The following CADPS2 variants were observed in gnomAD, a reference collection of about 807,000 sequenced individuals.
CADPS2 encodes calcium dependent secretion activator 2, also known as calcium-dependent secretion activator 2.
Under a neutral mutation model 172.5 loss-of-function variants are expected in CADPS2, and 93 were observed. The ratio of observed to expected loss-of-function variants is 0.54; its 90% CI spans 0.46 to 0.64. The LOEUF (loss-of-function observed/expected upper bound fraction) is 0.64. Among genes scored for constraint, CADPS2 ranks in the 30% least tolerant of loss-of-function variants. The probability of loss-of-function intolerance (pLI) is 0.00; values close to 1 mark genes in which losing one functional copy is unlikely to be tolerated. For synonymous variants in CADPS2, 546 were observed against 555.2 expected (o/e 0.98, Z 0.23); for missense variants, 1,420 against 1,565.9 (o/e 0.91, Z 1.57).
intron 28 of CADPS2, among the ~76,000 whole-genome samples, chr7:122,344,798 A>T (rs552620395): frequency 6.6e-6 from 1 of 152,306 alleles, no homozygotes; most frequent in Admixed American, 6.5e-5. Context: ...TTTTATAACT[A>T]ACCTCAGGTT....
At chr7:122,539,748 T>TCTCTCTCTCC (rs1563639521) in intron 8 of CADPS2, among the ~76,000 whole-genome samples, 1 of 115,782 alleles carries the variant, frequency 8.6e-6, no homozygotes, top group African/African-American at 3.6e-5. Flanking sequence ...TCCCTCTCTC[T>TCTCTCTCTCC]CTGTCTCTCT....
At chr7:122,740,477 C>T (rs770644987) in intron 1 of CADPS2, among the ~76,000 whole-genome samples, 2 of 152,036 alleles carry the variant, frequency 1.3e-5, no homozygotes, top group East Asian at 1.9e-4. Context: ...ACGACTCCAA[C>T]GATATGACAT....
chr7:122,732,797 T>TTA (rs1219349890), intron 2 of CADPS2, among the ~76,000 whole-genome samples: 1 of 142,762 alleles, frequency 7.0e-6, no homozygotes, highest in African/African-American at 2.6e-5. Flanking sequence ...TATATATACA[T>TTA]TATATATTAT....
At chr7:122,685,901 T>C (rs2083559578) in intron 2 of CADPS2, among the ~76,000 whole-genome samples, 1 of 152,156 alleles carries the variant, frequency 6.6e-6, no homozygotes, top group East Asian at 1.9e-4. Flanking sequence ...GCCACAAACC[T>C]TTGGAGGGCC....
chr7:122,787,505 T>C (rs1237598013), intron 1 of CADPS2, among the ~76,000 whole-genome samples: 1 of 152,196 alleles, frequency 6.6e-6, no homozygotes, highest in Non-Finnish European at 1.5e-5. Context: ...AAAGGGAAGT[T>C]AGGAATGGTC....
chr7:122,466,441 G>T lies in CADPS2; in HGVS notation c.2186+4934C>A, dbSNP rs142893720. ...CACAGTGTTTTCCAGCAACATGGGGGTGGTAGGCGGGGAGGTCCCAGAACT... is the reference window on the plus strand; with the variant it reads ...CACAGTGTTTTCCAGCAACATGGGGTTGGTAGGCGGGGAGGTCCCAGAACT... On this transcript the variant is annotated intron_variant, in intron 14 of 29. Transcript: ENST00000449022. Among the ~76,000 whole-genome samples the T allele has an allele frequency of 7.6e-3, 1,155 of 152,282 alleles. 11 individuals carry two copies. Among genetic ancestry groups the T allele is most frequent in the African/African-American group, 0.026 (1,081 of 41,552 alleles).
intron 1 of CADPS2, among the ~76,000 whole-genome samples, chr7:122,859,255 T>A (rs1816245065): frequency 6.6e-6 from 1 of 152,244 alleles, no homozygotes; most frequent in Non-Finnish European, 1.5e-5. Context: ...GTTTTATAGA[T>A]GATTGACTGA....
chr7:122,475,937 G>A (rs542404573), intron 12 of CADPS2, among the ~76,000 whole-genome samples: 1 of 152,214 alleles, frequency 6.6e-6, no homozygotes, highest in African/African-American at 2.4e-5. Flanking sequence ...TTAACTGGAT[G>A]AACACAAAAC....
At chr7:122,643,856 C>T (rs925730856) in intron 3 of CADPS2, among the ~76,000 whole-genome samples, 5 of 151,922 alleles carry the variant, frequency 3.3e-5, no homozygotes, top group Non-Finnish European at 7.4e-5. Flanking sequence ...TTTAGGAGGC[C>T]GAGGTGGGTA....
At chr7:122,406,457 T>C (rs1202009218) in intron 20 of CADPS2, among the ~76,000 whole-genome samples, 1 of 152,158 alleles carries the variant, frequency 6.6e-6, no homozygotes, top group African/African-American at 2.4e-5. Context: ...CAGAGCAGAC[T>C]TGGGCTGCAG....
chr7:122,721,191 T>A (rs1293144220), intron 2 of CADPS2, among the ~76,000 whole-genome samples: 1 of 151,838 alleles, frequency 6.6e-6, no homozygotes, highest in African/African-American at 2.4e-5. Context: ...AATTCCTGCT[T>A]ATAAATCTGT....
At chr7:122,472,148 A>C (rs1200079039) in intron 13 of CADPS2, among the ~76,000 whole-genome samples, 6 of 152,182 alleles carry the variant, frequency 3.9e-5, no homozygotes, top group Admixed American at 3.9e-4. Context: ...CATGCATGCC[A>C]CCTGAACACA....
chr7:122,463,550 T>C (rs1488552701), intron 14 of CADPS2, among the ~76,000 whole-genome samples: 2 of 152,296 alleles, frequency 1.3e-5, no homozygotes, highest in South Asian at 2.1e-4. Context: ...GACATTTCTA[T>C]ATGTAGTAAA....
chr7:122,487,595 A>C (rs1290160262), intron 11 of CADPS2, among the ~76,000 whole-genome samples: 1 of 152,254 alleles, frequency 6.6e-6, no homozygotes, highest in Non-Finnish European at 1.5e-5. Context: ...AAAAAATATA[A>C]GATGCAATAG....
chr7:122,762,037 C>T (rs1174539841), intron 1 of CADPS2, among the ~76,000 whole-genome samples: 542 of 138,590 alleles, frequency 3.9e-3, no homozygotes, highest in Admixed American at 5.7e-3. Flanking sequence ...TATACACACA[C>T]ACACACACAC....
intron 5 of CADPS2, among the ~76,000 whole-genome samples, chr7:122,620,129 G>T (rs1270835044): frequency 6.6e-6 from 1 of 152,086 alleles, no homozygotes; most frequent in East Asian, 1.9e-4. Flanking sequence ...ATTGAAAACT[G>T]TTCTTCGTAA....
At chr7:122,860,416 G>A (rs1393512251) in intron 1 of CADPS2, among the ~76,000 whole-genome samples, 2 of 151,868 alleles carry the variant, frequency 1.3e-5, no homozygotes, top group Non-Finnish European at 2.9e-5. Flanking sequence ...TTATCTTTTT[G>A]TAGAGGCAGG....
chr7:122,428,325 C>A (rs1047262726), intron 17 of CADPS2, among the ~76,000 whole-genome samples: 3 of 152,038 alleles, frequency 2.0e-5, no homozygotes, highest in Admixed American at 6.6e-5. Context: ...TTCTTTAACA[C>A]CATGCACTCA....
chr7:122,866,198 C>T (rs1178224040), intron 1 of CADPS2, among the ~76,000 whole-genome samples: 1 of 152,116 alleles, frequency 6.6e-6, no homozygotes, highest in Non-Finnish European at 1.5e-5. Flanking sequence ...CAAAATAGCA[C>T]AGTTTCACCC....
Sources: gnomAD v4.1 joint callset for allele counts (sites outside exome capture counted in the v4.1 genomes callset) on GRCh38, gnomAD v4.1.1 for gene constraint, MANE v1.5 for transcripts, NCBI Gene and HGNC (gene_info 2026-07-23, HGNC 2026-07-21) for gene names.